Variants in GFOD1 observed in about 807,000 individuals in gnomAD.
GFOD1 encodes glucose-fructose oxidoreductase domain-containing protein 1.
Under a neutral mutation model 25.4 loss-of-function variants are expected in GFOD1, and 9 were observed. The ratio of observed to expected loss-of-function variants is 0.35; its 90% CI spans 0.21 to 0.62. The LOEUF (loss-of-function observed/expected upper bound fraction) is 0.62, where lower values mean the gene tolerates loss of function less well. Among genes scored for constraint, GFOD1 ranks in the 20% least tolerant of loss-of-function variants. The pLI, the probability that GFOD1 is intolerant of heterozygous loss-of-function variation, is 0.72. For synonymous variants in GFOD1, 253 were observed against 245.6 expected, an observed-to-expected ratio of 1.03 and a Z score of -0.28; for missense variants, 403 against 556.9, an observed-to-expected ratio of 0.72 and a Z score of 2.78.
At chr6:13,374,265 T>TGTG (rs1554199391) in intron 1 of GFOD1, among the ~76,000 whole-genome samples, 1 of 116,492 alleles carries the variant, frequency 8.6e-6, no homozygotes, top group East Asian at 3.6e-4. Context: ...TAAAAATATG[T>TGTG]TTTTTTTTTG....
At chr6:13,380,914 C>G (rs1167079791) in intron 1 of GFOD1, among the ~76,000 whole-genome samples, 1 of 152,140 alleles carries the variant, frequency 6.6e-6, no homozygotes, top group Non-Finnish European at 1.5e-5. Flanking sequence ...AGCATCTGAC[C>G]CCAGATTGCC....
intron 1 of GFOD1, among the ~76,000 whole-genome samples, chr6:13,437,208 T>C (rs1757847421): frequency 2.0e-5 from 3 of 152,174 alleles, no homozygotes; most frequent in African/African-American, 4.8e-5. Flanking sequence ...CAACCTGGTA[T>C]TGGGTTTCTG....
intron 1 of GFOD1, among the ~76,000 whole-genome samples, chr6:13,397,806 TG>T (rs1377912191): frequency 6.6e-6 from 1 of 152,232 alleles, no homozygotes; most frequent in Non-Finnish European, 1.5e-5. Flanking sequence ...ACAATTTGAA[TG>T]GGGGCAGGGG....
chr6:13,426,256 G>GC (rs1245719245), intron 1 of GFOD1, among the ~76,000 whole-genome samples: 3 of 152,210 alleles, frequency 2.0e-5, no homozygotes, highest in African/African-American at 7.2e-5. Flanking sequence ...GGCCACACAC[G>GC]CCCCCAGGCA....
At chr6:13,486,187 TC>T in intron 1 of GFOD1, 1 of 993,194 alleles carries the variant, frequency 1.0e-6, no homozygotes, top group Non-Finnish European at 1.2e-6. Flanking sequence ...TTCAGGCGTT[TC>T]TGGGCGCGCA....
chr6:13,483,832 G>C (rs911507516), intron 1 of GFOD1, among the ~76,000 whole-genome samples: 5 of 152,198 alleles, frequency 3.3e-5, no homozygotes, highest in African/African-American at 1.2e-4. Flanking sequence ...TAGGAGCAAA[G>C]TGACTCAGGT....
rs188771594 is a variant in GFOD1, at chr6:13,360,744, T to C, written c.*3999A>G. 8.8e-6 allele frequency: 4 copies of C among 456,742 alleles called. No individual in the cohort carries two copies. In the East Asian group the frequency reaches 2.8e-4, roughly 32 times the overall value. 28.3% of individuals were successfully genotyped at this position (456,742 alleles called of 1,614,324 possible). A position where few individuals can be genotyped will look rare whatever the true frequency, so the allele number is the denominator to read the frequency against. ...TGCATCCTGCTGAACAGGAGGGTGCTGACAGCAGGCTGAGTGGAGCCGCAG... is the reference window on the plus strand; with the variant it reads ...TGCATCCTGCTGAACAGGAGGGTGCCGACAGCAGGCTGAGTGGAGCCGCAG... On this transcript the variant is annotated 3_prime_UTR_variant, in exon 2 of 2. Transcript: ENST00000379287.
Position 13,430,848 on chromosome 6 carries a change from T to C in GFOD1, c.253+55790A>G, listed in dbSNP as rs901938673. 3.3e-5 allele frequency among the ~76,000 whole-genome samples: 5 copies of C among 152,128 alleles called. No individual in the cohort carries two copies. The highest frequency in any genetic ancestry group is 5.9e-5 in the Non-Finnish European group (4 of 68,030). ...TCTCTTTCTCCAGGACTCCCTCCCA[T>C]CAGGATACCTACCTGAGGACACTCC... is the stretch of plus-strand genomic sequence containing the variant. On this transcript the variant is annotated intron_variant, in intron 1 of 1. Transcript: ENST00000379287. This position sits in a 1 kb window ranked among gnomAD's most constrained non-coding sequence, Gnocchi z 4.1.
intron 1 of GFOD1, among the ~76,000 whole-genome samples, chr6:13,448,893 C>G (rs965653838): frequency 1.3e-5 from 2 of 152,190 alleles, no homozygotes; most frequent in African/African-American, 4.8e-5. Flanking sequence ...GTCTCTAAAA[C>G]AGGGGCTAAT....
intron 1 of GFOD1, among the ~76,000 whole-genome samples, chr6:13,437,369 C>T (rs1385398121): frequency 6.6e-6 from 1 of 152,184 alleles, no homozygotes; most frequent in African/African-American, 2.4e-5. Context: ...CCTGAAATCC[C>T]TCCACACTCC....
chr6:13,435,436 T>C (rs1002933827), intron 1 of GFOD1, among the ~76,000 whole-genome samples: 16 of 152,228 alleles, frequency 1.1e-4, no homozygotes, highest in Admixed American at 1.0e-3. Flanking sequence ...TTCTCTTTCA[T>C]CTCTCTTATT....
At chr6:13,477,216 G>GTGGGTGTGTGTGTGT (rs869069113) in intron 1 of GFOD1, among the ~76,000 whole-genome samples, 1 of 140,770 alleles carries the variant, frequency 7.1e-6, no homozygotes, top group Admixed American at 7.1e-5. Flanking sequence ...ACCAATAGGG[G>GTGGGTGTGTGTGTGT]GTGTGTGTGT....
chr6:13,466,809 C>T (rs1758386887), intron 1 of GFOD1, among the ~76,000 whole-genome samples: 1 of 152,164 alleles, frequency 6.6e-6, no homozygotes, highest in Non-Finnish European at 1.5e-5. Context: ...GCTTTGCTAG[C>T]TTGACAGTTG....
At position 13,401,795 on chromosome 6, in the gene GFOD1, T is replaced by C. The variant is rs375843676; in HGVS notation, c.254-36133A>G. ...AAACAATTGCTATCAAAATTCCAGT[T>C]GCTTTCTATGTAGAAATTCACAAGC... is the stretch of plus-strand genomic sequence containing the variant. On this transcript the variant is annotated intron_variant, in intron 1 of 1. Coordinates refer to ENST00000379287, the MANE Select transcript of GFOD1 (RefSeq NM_018988.4). 5.9e-5 allele frequency among the ~76,000 whole-genome samples: 9 copies of C among 152,224 alleles called. No individual in the cohort carries two copies. The East Asian group carries it at 9.6e-4, about 16-fold the overall frequency.
chr6:13,451,705 C>CG (rs1758102189), intron 1 of GFOD1, among the ~76,000 whole-genome samples: 1 of 152,182 alleles, frequency 6.6e-6, no homozygotes, highest in African/African-American at 2.4e-5. Context: ...TCAGCAATTG[C>CG]AGAAGGTGGC....
intron 1 of GFOD1, among the ~76,000 whole-genome samples, chr6:13,440,188 C>CT (rs925902579): frequency 4.2e-4 from 62 of 148,468 alleles, no homozygotes; most frequent in Admixed American, 1.1e-3. Context: ...AACATTAGTT[C>CT]TTTTTTTTTT....
At chr6:13,458,756 G>GAAAA (rs1758236779) in intron 1 of GFOD1, among the ~76,000 whole-genome samples, 2 of 5,574 alleles carry the variant, frequency 3.6e-4, no homozygotes, top group Non-Finnish European at 1.1e-3. Context: ...TTCCCCTTGA[G>GAAAA]CAAAAAAAAA....
intron 1 of GFOD1, among the ~76,000 whole-genome samples, chr6:13,461,601 C>T (rs1201483533): frequency 3.9e-5 from 6 of 152,142 alleles, no homozygotes; most frequent in East Asian, 1.9e-4. Context: ...CCACATTGCC[C>T]GGTCACCTCT....
chr6:13,457,007 C>T lies in GFOD1; in HGVS notation c.253+29631G>A, dbSNP rs553921051. Among the ~76,000 whole-genome samples the T allele has an allele frequency of 8.5e-5, 13 of 152,286 alleles. No homozygotes were observed. In the South Asian group the frequency reaches 2.7e-3, roughly 32 times the overall value. The stretch of plus-strand genomic sequence containing the variant: ...CAGAGCATTCAGGTGATTTCAGTGG[C>T]CCACCTGGGAAAATCAAAGATGGGG... On this transcript the variant is annotated intron_variant, in intron 1 of 1. Coordinates refer to ENST00000379287, the MANE Select transcript of GFOD1 (RefSeq NM_018988.4).
Sources: allele counts gnomAD v4.1 joint callset (sites outside exome capture counted in the v4.1 genomes callset), GRCh38; gene constraint gnomAD v4.1.1; non-coding constraint Gnocchi (gnomAD v3.1); transcripts MANE v1.5; gene names NCBI Gene and HGNC (gene_info 2026-07-23, HGNC 2026-07-21).